Variants in OPA3 observed in about 807,000 individuals in gnomAD.
OPA3 encodes outer mitochondrial membrane lipid metabolism regulator OPA3, also known as optic atrophy 3 protein.
In OPA3, 6 loss-of-function variants were observed where a neutral mutation model predicts 4.0. The ratio of observed to expected loss-of-function variants is 1.51; its 90% CI spans 0.83 to 2.99. The LOEUF (loss-of-function observed/expected upper bound fraction) is 2.99, where lower values mean the gene tolerates loss of function less well. OPA3 is among the 30% of genes most tolerant of loss of function. OPA3 has a pLI of 0.00. For missense variants in OPA3, 235 were observed against 256.2 expected (o/e 0.92, Z 0.56); for synonymous variants, 105 against 117.1 (o/e 0.90, Z 0.67).
chr19:45,580,001 C>CTT (rs57357578), intron 1 of OPA3, among the ~76,000 whole-genome samples: 33 of 114,856 alleles, frequency 2.9e-4, no homozygotes, highest in South Asian at 1.7e-3. Flanking sequence ...TTTTTTTTTT[C>CTT]TTTTTTTTTT....
At chr19:45,568,360 T>C (rs1446980344) in intron 1 of OPA3, among the ~76,000 whole-genome samples, 1 of 151,970 alleles carries the variant, frequency 6.6e-6, no homozygotes, top group African/African-American at 2.4e-5. Context: ...TGGCTAATTT[T>C]TGTATTTTTA....
intron 1 of OPA3, among the ~76,000 whole-genome samples, chr19:45,536,060 C>G (rs181806649): frequency 1.1e-4 from 17 of 150,864 alleles, no homozygotes; most frequent in African/African-American, 4.1e-4. Context: ...AACCCTGTCT[C>G]TACTGAAAAA....
At chr19:45,527,781 C>T (rs757166355) in exon 2 of OPA3, 1 of 152,156 alleles carries the variant, frequency 6.6e-6, no homozygotes, top group Non-Finnish European at 1.5e-5. Flanking sequence ...GATCTTTACC[C>T]CAGAGCTCCT....
At position 45,550,068 on chromosome 19, in the gene OPA3, T is replaced by A; in HGVS notation, c.*3446A>T. On this transcript the variant is annotated 3_prime_UTR_variant, in exon 2 of 2. Coordinates refer to ENST00000263275, the MANE Select transcript of OPA3 (RefSeq NM_025136.4). The stretch of plus-strand genomic sequence containing the variant: ...AGCTACTTCGGAAGCTGAGGCAGGA[T>A]CATTGGTTGAGCCTGGGAGGTAGAA... The A allele has an allele frequency of 4.0e-6, 2 of 500,682 alleles. No homozygotes were observed. Among genetic ancestry groups the A allele is most frequent in the Non-Finnish European group, 5.2e-6 (2 of 387,194 alleles). The allele number at this position is 500,682 out of a possible 1,614,324, so 31.0% of individuals were successfully genotyped here.
Position 45,553,356 on chromosome 19 carries a change from A to C in OPA3, c.*158T>G. The C allele has an allele frequency of 6.6e-7, 1 of 1,517,466 alleles. No homozygotes were observed. Among genetic ancestry groups the C allele is most frequent in the South Asian group, 1.2e-5 (1 of 80,746 alleles). 94.0% of individuals were successfully genotyped at this position (1,517,466 alleles called of 1,614,324 possible). A position where few individuals can be genotyped will look rare whatever the true frequency, so the allele number is the denominator to read the frequency against. ...CGCTTCACCTGCTGGTCCCAGTGGC[A>C]GGTAACGGCTGCTCTTATCAGCAGG... On this transcript the variant is annotated 3_prime_UTR_variant, in exon 2 of 2. Coordinates refer to ENST00000263275, the MANE Select transcript of OPA3 (RefSeq NM_025136.4).
In OPA3 at chr19:45,534,238, C is replaced by A. The variant is rs573020189; in HGVS notation, c.143-4782G>T. On this transcript the variant is annotated intron_variant, in intron 1 of 1. Transcript: ENST00000323060. ...GAATTCCAGGAAGGAGACAGACTGT[C>A]CATCTCTTTTAGTGTTAAAAATCAC... is the stretch of plus-strand genomic sequence containing the variant. Among the ~76,000 whole-genome samples the A allele has an allele frequency of 7.2e-5, 11 of 152,298 alleles. No individual in the cohort carries two copies. In the East Asian group the frequency reaches 2.1e-3, roughly 29 times the overall value.
downstream of OPA3, among the ~76,000 whole-genome samples, chr19:45,543,049 G>A (rs531459404): frequency 6.6e-6 from 1 of 151,182 alleles, no homozygotes; most frequent in Non-Finnish European, 1.5e-5. Flanking sequence ...TCACTCTGTC[G>A]CCCAGGCTGG....
rs924961653 is a variant in OPA3, at chr19:45,547,020, C to T, written c.*6494G>A. 1.3e-5 allele frequency: 2 copies of T among 152,254 alleles called. No individual in the cohort carries two copies. Among genetic ancestry groups the T allele is most frequent in the African/African-American group, 4.8e-5 (2 of 41,416 alleles). The allele number at this position is 152,254 out of a possible 1,614,324, so 9.4% of individuals were successfully genotyped here. ...GTGGCTGTAGATTGAGGTGGAGGTT[C>T]TGAGATCTGCGCGCAGTGGGGGTTA... is the stretch of plus-strand genomic sequence containing the variant. On this transcript the variant is annotated 3_prime_UTR_variant, in exon 2 of 2. Transcript: ENST00000263275.
At chr19:45,566,626 A>G (rs1969586623) in intron 1 of OPA3, among the ~76,000 whole-genome samples, 1 of 149,374 alleles carries the variant, frequency 6.7e-6, no homozygotes, top group Admixed American at 6.7e-5. Context: ...ACGTGCCACC[A>G]TGCCCAGCTA....
At chr19:45,535,350 T>C (rs1385116967) in intron 1 of OPA3, among the ~76,000 whole-genome samples, 3 of 150,626 alleles carry the variant, frequency 2.0e-5, no homozygotes, top group Admixed American at 6.7e-5. Flanking sequence ...TTATATGCAG[T>C]GATCTTGATA....
At chr19:45,555,290 A>T (rs1396360650) in intron 1 of OPA3, among the ~76,000 whole-genome samples, 2 of 152,214 alleles carry the variant, frequency 1.3e-5, no homozygotes, top group Non-Finnish European at 2.9e-5. Context: ...GTACATGAAC[A>T]AAAAGAAACC....
chr19:45,576,538 C>G (rs1208757056), intron 1 of OPA3, among the ~76,000 whole-genome samples: 1 of 65,908 alleles, frequency 1.5e-5, no homozygotes, highest in Non-Finnish European at 3.9e-5. Flanking sequence ...AACTCCATCC[C>G]CCCCCCCCCA....
intron 1 of OPA3, among the ~76,000 whole-genome samples, chr19:45,564,095 G>A (rs905808070): frequency 4.5e-5 from 6 of 133,464 alleles, no homozygotes; most frequent in African/African-American, 1.7e-4. Context: ...CCCTCCTCAA[G>A]ACCCAATAAA....
In OPA3 at chr19:45,553,750, A is replaced by G. The variant is rs1437263549; in HGVS notation, c.304T>C (p.Trp102Arg). ...VGGGCLVLEY[W>R]RHQAQQRHKE... Reference sequence around the variant, plus strand: ...TGGCGCTGCTGCGCCTGGTGGCGCCAGTACTCCAGCACTAGGCAGCCGCCG... The same window carrying G: ...TGGCGCTGCTGCGCCTGGTGGCGCCGGTACTCCAGCACTAGGCAGCCGCCG... Residue 102 changes from tryptophan to arginine, a missense_variant, in exon 2 of 2, where the codon TGG (tryptophan) becomes CGG (arginine). Physicochemically the swap from Trp to Arg is moderately radical, Grantham distance 101. Transcript: ENST00000263275. The G allele has an allele frequency of 4.3e-6, 7 of 1,612,116 alleles. No individual in the cohort carries two copies. Among genetic ancestry groups the G allele is most frequent in the Non-Finnish European group, 5.9e-6 (7 of 1,179,772 alleles).
chr19:45,566,690 G>A (rs7252697), intron 1 of OPA3, among the ~76,000 whole-genome samples: 3,252 of 151,824 alleles, frequency 0.021, 123 homozygotes, highest in African/African-American at 0.073. Flanking sequence ...TGGCCAGGCT[G>A]GTCTCAATCT....
At chr19:45,544,649 C>A (rs1969224303), downstream of OPA3, among the ~76,000 whole-genome samples, 1 of 152,096 alleles carries the variant, frequency 6.6e-6, no homozygotes, top group South Asian at 2.1e-4. Context: ...ACAAAATTAG[C>A]CGGGCGTGGT....
At chr19:45,558,588 C>A (rs1013234696) in intron 1 of OPA3, among the ~76,000 whole-genome samples, 1 of 152,142 alleles carries the variant, frequency 6.6e-6, no homozygotes. Context: ...TTCAGATCTA[C>A]GCCATCGTTA....
At position 45,551,046 on chromosome 19, in the gene OPA3, G is replaced by A. The variant is rs1258546634; in HGVS notation, c.*2468C>T. The A allele has an allele frequency of 4.2e-6, 3 of 715,810 alleles. No individual in the cohort carries two copies. The highest frequency in any genetic ancestry group is 6.3e-5 in the South Asian group (1 of 15,870). The allele number at this position is 715,810 out of a possible 1,614,324, so 44.3% of individuals were successfully genotyped here. On this transcript the variant is annotated 3_prime_UTR_variant, in exon 2 of 2. Coordinates refer to ENST00000263275, the MANE Select transcript of OPA3 (RefSeq NM_025136.4). ...CGCGATCACGGCTCGCTGCAGCCTC[G>A]ACCTCCAGGGCTCAGGTGATCCTCC...
At chr19:45,564,752 C>T (rs1969557743) in intron 1 of OPA3, among the ~76,000 whole-genome samples, 1 of 152,200 alleles carries the variant, frequency 6.6e-6, no homozygotes, top group South Asian at 2.1e-4. Flanking sequence ...CACCAACTAT[C>T]TCTTTTTTAA....
Sources: allele counts gnomAD v4.1 joint callset (sites outside exome capture counted in the v4.1 genomes callset), GRCh38; gene constraint gnomAD v4.1.1; transcripts MANE v1.5; gene names NCBI Gene and HGNC (gene_info 2026-07-23, HGNC 2026-07-21).